Variants in CHSY3 observed in about 807,000 individuals in gnomAD.
CHSY3 encodes N-acetylgalactosaminyl-proteoglycan 3-beta-glucuronosyltransferase 3.
A neutral mutation model predicts 67.2 loss-of-function variants in CHSY3; 35 were observed. The ratio of observed to expected loss-of-function variants is 0.52; its 90% confidence interval spans 0.40 to 0.69. The LOEUF is 0.69. Ranked by LOEUF, CHSY3 falls within the 30% of genes least tolerant of loss-of-function variation. The pLI is 0.00. For missense variants in CHSY3, 1,069 were observed against 1,138.5 expected, an observed-to-expected ratio of 0.94 and a Z score of 0.88; for synonymous variants, 474 against 434.7, an observed-to-expected ratio of 1.09 and a Z score of -1.12.
chr5:130,074,624 T>C (rs912255183), intron 2 of CHSY3, among the ~76,000 whole-genome samples: 1 of 152,208 alleles, frequency 6.6e-6, no homozygotes, highest in Admixed American at 6.5e-5. Flanking sequence ...TTTGGAATAC[T>C]TTTATTCATT....
intron 2 of CHSY3, among the ~76,000 whole-genome samples, chr5:130,019,657 T>C (rs1455718776): frequency 1.3e-5 from 2 of 152,238 alleles, no homozygotes; most frequent in African/African-American, 4.8e-5. Context: ...CTTTCCCTGG[T>C]AGAATGTCTC....
At chr5:129,909,722 A>G (rs1482757963) in intron 2 of CHSY3, among the ~76,000 whole-genome samples, 4 of 152,060 alleles carry the variant, frequency 2.6e-5, no homozygotes, top group African/African-American at 9.6e-5. Flanking sequence ...CCTTTGTTAT[A>G]AAACAAAGTA....
At chr5:130,141,822 C>A (rs1768875995) in intron 2 of CHSY3, 7 of 378,658 alleles carry the variant, frequency 1.8e-5, no homozygotes, top group African/African-American at 4.3e-5. Flanking sequence ...AGAAAGTCTG[C>A]AACCACATAA....
chr5:130,128,796 T>C (rs1768382816), intron 2 of CHSY3, among the ~76,000 whole-genome samples: 1 of 152,142 alleles, frequency 6.6e-6, no homozygotes, highest in South Asian at 2.1e-4. Flanking sequence ...ACTCATGGAA[T>C]TGTATACATT....
intron 2 of CHSY3, among the ~76,000 whole-genome samples, chr5:130,084,114 A>G (rs115157597): frequency 0.013 from 1,988 of 152,080 alleles, 34 homozygotes; most frequent in African/African-American, 0.045. Context: ...TTGTCTCCTT[A>G]GGTAATTCAT....
intron 2 of CHSY3, among the ~76,000 whole-genome samples, chr5:129,957,630 A>T (rs1302230611): frequency 6.6e-6 from 1 of 152,160 alleles, no homozygotes; most frequent in Non-Finnish European, 1.5e-5. Flanking sequence ...TACTTTGAAG[A>T]TATGGATCAA....
intron 2 of CHSY3, chr5:130,140,400 G>C (rs1768824046): frequency 4.3e-6 from 3 of 698,128 alleles, no homozygotes; most frequent in South Asian, 3.7e-5. Context: ...TTCTGATAAA[G>C]ATGAAGGAAA....
At chr5:129,990,406 C>A (rs1281061774) in intron 2 of CHSY3, among the ~76,000 whole-genome samples, 2 of 99,370 alleles carry the variant, frequency 2.0e-5, no homozygotes, top group African/African-American at 4.4e-5. Flanking sequence ...GTGTGTGTGT[C>A]CTGCTGTCTA....
chr5:129,905,702 C>G, intron 1 of CHSY3, 71 bp downstream of exon 1: 16 of 1,554,846 alleles, frequency 1.0e-5, no homozygotes, highest in Non-Finnish European at 1.4e-5. Context: ...GGTCCTAGCC[C>G]CTGCCCAGCC....
intron 2 of CHSY3, among the ~76,000 whole-genome samples, chr5:130,015,185 C>T (rs927953660): frequency 6.6e-6 from 1 of 152,104 alleles, no homozygotes; most frequent in Non-Finnish European, 1.5e-5. Context: ...CTTTCTGTCT[C>T]TCCTGCTGTC....
intron 2 of CHSY3, among the ~76,000 whole-genome samples, chr5:130,171,989 C>A (rs1222477950): frequency 5.9e-5 from 9 of 152,130 alleles, no homozygotes; most frequent in Non-Finnish European, 1.3e-4. Flanking sequence ...TTAGGCATAG[C>A]TCAGTGCTGT....
At chr5:129,990,490 A>C (rs1763330802) in intron 2 of CHSY3, among the ~76,000 whole-genome samples, 1 of 152,108 alleles carries the variant, frequency 6.6e-6, no homozygotes, top group Non-Finnish European at 1.5e-5. Context: ...TCCTGGTCAT[A>C]CAGAAATTGA....
Position 129,905,331 on chromosome 5 carries a change from C to G in CHSY3, c.502C>G (p.Arg168Gly), listed in dbSNP as rs1274201480. 13 of 1,535,150 alleles carry G rather than the reference C, an allele frequency of 8.5e-6. No homozygotes were observed. The highest frequency in any genetic ancestry group is 2.4e-5 in the East Asian group (1 of 41,738). Residue 168 changes from arginine to glycine, a missense_variant, in exon 1 of 3, where the codon CGA becomes GGA. By Grantham distance (125) the Arg-to-Gly change is moderately radical. This residue lies in a region of CHSY3 where 309 missense variants were observed against 262.5 expected (regional missense o/e 1.18). Coordinates refer to ENST00000305031, the MANE Select transcript of CHSY3 (RefSeq NM_175856.5). ...CGGGGGCGCTGCCGCCCCGAGCGCC[C>G]GACCCCGGGACTTCCTGTACGTGGG... ...GDGGAAAPSA[R>G]PRDFLYVGVM...
At chr5:129,980,925 G>A (rs972229240) in intron 2 of CHSY3, among the ~76,000 whole-genome samples, 15 of 151,988 alleles carry the variant, frequency 9.9e-5, no homozygotes, top group African/African-American at 2.7e-4. Flanking sequence ...GTCAAAGATC[G>A]GCCGGGCGCG....
intron 2 of CHSY3, among the ~76,000 whole-genome samples, chr5:130,087,468 C>G (rs1188947759): frequency 6.6e-6 from 1 of 151,810 alleles, no homozygotes; most frequent in Non-Finnish European, 1.5e-5. Context: ...CTAGAAAACC[C>G]CATTGTCTCA....
chr5:130,159,966 A>G (rs1769482813), intron 2 of CHSY3, among the ~76,000 whole-genome samples: 1 of 152,198 alleles, frequency 6.6e-6, no homozygotes, highest in African/African-American at 2.4e-5. Flanking sequence ...ATCAAAGGCA[A>G]CACAGTGGTT....
At chr5:129,925,332 C>T (rs576384799) in intron 2 of CHSY3, among the ~76,000 whole-genome samples, 6 of 152,062 alleles carry the variant, frequency 3.9e-5, no homozygotes, top group Non-Finnish European at 7.4e-5. Context: ...GAGGCAGGAG[C>T]CAGATGATGG....
At chr5:129,963,830 G>T (rs1028487410) in intron 2 of CHSY3, among the ~76,000 whole-genome samples, 1 of 151,680 alleles carries the variant, frequency 6.6e-6, no homozygotes, top group Admixed American at 6.6e-5. Flanking sequence ...AAAACCCCAG[G>T]GATGTGTGTG....
At chr5:130,059,866 C>T (rs1237775773) in intron 2 of CHSY3, among the ~76,000 whole-genome samples, 2 of 152,072 alleles carry the variant, frequency 1.3e-5, no homozygotes, top group East Asian at 3.9e-4. Context: ...TGAGAGAAGA[C>T]TATCTTAAGG....
Sources: gnomAD v4.1 joint callset for allele counts (sites outside exome capture counted in the v4.1 genomes callset) on GRCh38, gnomAD v4.1.1 for gene constraint, gnomAD v4.1.1 regional missense constraint, MANE v1.5 for transcripts, NCBI Gene and HGNC (gene_info 2026-07-23, HGNC 2026-07-21) for gene names.